PRDM6: variants seen among roughly 807,000 people sequenced by gnomAD.
PRDM6 encodes putative histone-lysine N-methyltransferase PRDM6.
Under a neutral mutation model 60.8 loss-of-function variants are expected in PRDM6, and 25 were observed. The ratio of observed to expected loss-of-function variants is 0.41; its 90% CI spans 0.30 to 0.57. The LOEUF is 0.57. Ranked by LOEUF, PRDM6 falls within the 20% of genes least tolerant of loss-of-function variation. The probability of loss-of-function intolerance (pLI) is 0.27; values close to 1 mark genes in which losing one functional copy is unlikely to be tolerated. For synonymous variants in PRDM6, 407 were observed against 357.4 expected, an observed-to-expected ratio of 1.14 and a Z score of -1.57; for missense variants, 839 against 821.3, an observed-to-expected ratio of 1.02 and a Z score of -0.26.
At chr5:123,108,120 T>G (rs1452964907) in intron 3 of PRDM6, among the ~76,000 whole-genome samples, 1 of 152,158 alleles carries the variant, frequency 6.6e-6, no homozygotes, top group Admixed American at 6.5e-5. Flanking sequence ...ATCTATAGCA[T>G]GCAATTGTGA....
In PRDM6 at chr5:123,090,596, C is replaced by T; in HGVS notation, c.582C>T (p.Asp194=). The T allele has an allele frequency of 2.0e-6, 3 of 1,523,216 alleles. No individual in the cohort carries two copies. Among genetic ancestry groups the T allele is most frequent in the Non-Finnish European group, 2.6e-6 (3 of 1,142,718 alleles). The allele number at this position is 1,523,216 out of a possible 1,614,324, so 94.4% of individuals were successfully genotyped here. A position where few individuals can be genotyped will look rare whatever the true frequency, so the allele number is the denominator to read the frequency against. Residue 194 remains aspartate, a synonymous_variant, in exon 2 of 8, where the codon GAC becomes GAT. Transcript: ENST00000407847. The stretch of plus-strand genomic sequence containing the variant: ...TCCCGCTCAACCAGCACACCAGCGA[C>T]CCCAACAACCGTACGTAGCCGCAGC... The part of the protein sequence containing the change: ...EIIPLNQHTS[D]PNNRCDMCAD...
intron 3 of PRDM6, among the ~76,000 whole-genome samples, chr5:123,143,437 A>T (rs1290402175): frequency 6.6e-6 from 1 of 152,144 alleles, no homozygotes; most frequent in African/African-American, 2.4e-5. Context: ...GGTTATAACA[A>T]TGTGTAACTA....
intron 5 of PRDM6, among the ~76,000 whole-genome samples, chr5:123,167,579 G>C (rs1056888400): frequency 6.6e-6 from 1 of 151,998 alleles, no homozygotes; most frequent in Non-Finnish European, 1.5e-5. Flanking sequence ...AGTAGAGACA[G>C]GGTTTCTCCA....
At chr5:123,147,961 C>G (rs1389538278) in intron 3 of PRDM6, among the ~76,000 whole-genome samples, 2 of 152,298 alleles carry the variant, frequency 1.3e-5, no homozygotes, top group East Asian at 3.9e-4. Context: ...TCAGAGTCAC[C>G]GACTCTCCTC....
chr5:123,152,835 C>A (rs77139801), intron 3 of PRDM6, among the ~76,000 whole-genome samples: 4 of 152,112 alleles, frequency 2.6e-5, no homozygotes, highest in Non-Finnish European at 4.4e-5. Flanking sequence ...CAACTCCTTT[C>A]TTGTGGTAGC....
intron 3 of PRDM6, among the ~76,000 whole-genome samples, chr5:123,139,768 A>T (rs1029109270): frequency 6.6e-6 from 1 of 152,100 alleles, no homozygotes; most frequent in Non-Finnish European, 1.5e-5. Context: ...CCTTGGGTTT[A>T]TTACAGGTAC....
At chr5:123,157,239 TTAAA>T (rs1765524042) in intron 4 of PRDM6, among the ~76,000 whole-genome samples, 1 of 152,176 alleles carries the variant, frequency 6.6e-6, no homozygotes, top group Non-Finnish European at 1.5e-5. Context: ...AAATAACAGT[TTAAA>T]TGAAGTAGCA....
intron 5 of PRDM6, among the ~76,000 whole-genome samples, chr5:123,161,546 G>T (rs1326623347): frequency 2.6e-5 from 4 of 152,310 alleles, no homozygotes; most frequent in Admixed American, 1.3e-4. Flanking sequence ...GATGGTGAAG[G>T]AACAAGCCAT....
At chr5:123,130,159 C>CT (rs1561836356) in intron 3 of PRDM6, among the ~76,000 whole-genome samples, 1 of 35,386 alleles carries the variant, frequency 2.8e-5, no homozygotes. Context: ...TCCCTCCCCT[C>CT]CCCTCCCCTC....
chr5:123,100,861 C>T (rs1316961050), intron 3 of PRDM6, among the ~76,000 whole-genome samples: 2 of 152,228 alleles, frequency 1.3e-5, no homozygotes, highest in Non-Finnish European at 2.9e-5. Flanking sequence ...CCAATCTTAG[C>T]CACCTCCATC....
chr5:123,101,827 A>C (rs550672822), intron 3 of PRDM6, among the ~76,000 whole-genome samples: 1 of 152,370 alleles, frequency 6.6e-6, no homozygotes, highest in South Asian at 2.1e-4. Context: ...AAAACTATGA[A>C]ACCTTTCTTT....
At chr5:123,119,942 T>C (rs993137650) in intron 3 of PRDM6, among the ~76,000 whole-genome samples, 2 of 152,238 alleles carry the variant, frequency 1.3e-5, no homozygotes, top group Non-Finnish European at 2.9e-5. Context: ...TAAAAAATTA[T>C]ATTTTAATTT....
At chr5:123,102,449 C>T (rs1764124996) in intron 3 of PRDM6, among the ~76,000 whole-genome samples, 2 of 151,750 alleles carry the variant, frequency 1.3e-5, no homozygotes, top group Non-Finnish European at 2.9e-5. Flanking sequence ...GCTAAATTTT[C>T]TTCTGAAATT....
intron 3 of PRDM6, among the ~76,000 whole-genome samples, chr5:123,104,829 C>A (rs1233005896): frequency 6.6e-6 from 1 of 152,140 alleles, no homozygotes; most frequent in Non-Finnish European, 1.5e-5. Context: ...CATCTGCCAC[C>A]TCTTGGAATG....
intron 3 of PRDM6, among the ~76,000 whole-genome samples, chr5:123,121,193 C>A (rs1230977282): frequency 6.6e-6 from 1 of 152,144 alleles, no homozygotes; most frequent in African/African-American, 2.4e-5. Context: ...CCCAAGCCAC[C>A]AAGAAGCTTT....
intron 3 of PRDM6, among the ~76,000 whole-genome samples, chr5:123,155,355 A>G (rs1268596421): frequency 7.2e-6 from 1 of 138,232 alleles, no homozygotes. Flanking sequence ...GTGAGAGTCC[A>G]TTTATTTCAC....
chr5:123,099,911 C>T lies in PRDM6; in HGVS notation c.850C>T (p.Pro284Ser), dbSNP rs1320736344. The T allele has an allele frequency of 1.3e-6, 2 of 1,546,316 alleles. No homozygotes were observed. The highest frequency in any genetic ancestry group is 1.4e-5 in the African/African-American group (1 of 72,912). ...ACCTTTCCAAGGCGTGCTTCTGCCC[C>T]CAGAGAAGGTGCAGGCAGGCGCCGT... is the stretch of plus-strand genomic sequence containing the variant. ...IGPFQGVLLP[P>S]EKVQAGAVRN... The change falls in exon 3 of 8, where the codon CCA (proline) becomes TCA (serine). Residue 284 changes from proline to serine, a missense_variant. By Grantham distance (74) the Pro-to-Ser change is moderately conservative. Transcript: ENST00000407847. The surrounding 1 kb of genome is among the most constrained non-coding windows in gnomAD (Gnocchi z 4.0).
intron 5 of PRDM6, among the ~76,000 whole-genome samples, chr5:123,163,385 G>C (rs1416786209): frequency 6.6e-6 from 1 of 152,134 alleles, no homozygotes; most frequent in Non-Finnish European, 1.5e-5. Context: ...GAGAGTGTGC[G>C]GTGGGTTTGG....
At chr5:123,114,428 G>C (rs1251907147) in intron 3 of PRDM6, among the ~76,000 whole-genome samples, 8 of 152,026 alleles carry the variant, frequency 5.3e-5, no homozygotes, top group Non-Finnish European at 1.2e-4. Flanking sequence ...TTCCTTCCAG[G>C]CTAATCCCAG....
Sources: gnomAD v4.1 joint callset for allele counts (sites outside exome capture counted in the v4.1 genomes callset) on GRCh38, gnomAD v4.1.1 for gene constraint, Gnocchi (gnomAD v3.1) non-coding constraint, MANE v1.5 for transcripts, NCBI Gene and HGNC (gene_info 2026-07-23, HGNC 2026-07-21) for gene names.